The following POLN variants were observed in gnomAD, a reference collection of about 807,000 sequenced individuals.
POLN encodes DNA polymerase N.
Under a neutral mutation model 113.5 loss-of-function variants are expected in POLN, and 108 were observed. The ratio of observed to expected loss-of-function variants is 0.95; its 90% CI spans 0.81 to 1.12. The LOEUF is 1.12. Ranked by LOEUF, POLN falls within the 50% of genes most tolerant of loss-of-function variation. The probability of loss-of-function intolerance (pLI) is 0.00; values close to 1 mark genes in which losing one functional copy is unlikely to be tolerated. For missense variants in POLN, 1,097 were observed against 1,077.1 expected, an observed-to-expected ratio of 1.02 and a Z score of -0.26; for synonymous variants, 386 against 391.5, an observed-to-expected ratio of 0.99 and a Z score of 0.17.
chr4:2,138,564 C>T (rs1003913982), intron 16 of POLN, among the ~76,000 whole-genome samples: 1 of 152,156 alleles, frequency 6.6e-6, no homozygotes, highest in Middle Eastern at 3.2e-3. Flanking sequence ...GAATCGCCAC[C>T]CCCACAGGGT....
intron 7 of POLN, among the ~76,000 whole-genome samples, chr4:2,186,313 A>C (rs1733271458): frequency 6.6e-6 from 1 of 152,230 alleles, no homozygotes; most frequent in African/African-American, 2.4e-5. Context: ...AGAAATGGGC[A>C]GTGGTAGAGA....
intron 3 of POLN, among the ~76,000 whole-genome samples, chr4:2,225,826 C>T (rs2108772025): frequency 6.6e-6 from 1 of 151,934 alleles, no homozygotes; most frequent in Non-Finnish European, 1.5e-5. Context: ...CATAGCAAGA[C>T]CTCGTCTCCA....
intron 8 of POLN, chr4:2,177,319 C>A: frequency 2.1e-6 from 1 of 481,298 alleles, no homozygotes; most frequent in East Asian, 6.1e-5. Context: ...GTCTTGCTGT[C>A]CTCCATAGAG....
intron 3 of POLN, 152 bp downstream of exon 3, chr4:2,228,947 G>T: frequency 1.7e-6 from 1 of 602,120 alleles, no homozygotes; most frequent in Non-Finnish European, 2.7e-6. Flanking sequence ...ACGAAAGTTA[G>T]CAAGCAGAAG....
chr4:2,117,455 T>C (rs1303374932), intron 19 of POLN, among the ~76,000 whole-genome samples: 1 of 152,226 alleles, frequency 6.6e-6, no homozygotes, highest in African/African-American at 2.4e-5. Flanking sequence ...TTTCATCTTA[T>C]CAGGGCAGCA....
chr4:2,121,714 G>A (rs529251539), intron 19 of POLN, among the ~76,000 whole-genome samples: 2 of 151,728 alleles, frequency 1.3e-5, no homozygotes, highest in African/African-American at 2.4e-5. Context: ...TGATATTGAT[G>A]ATTTACATCA....
chr4:2,117,019 C>T (rs1026847190), intron 19 of POLN, among the ~76,000 whole-genome samples: 1 of 152,214 alleles, frequency 6.6e-6, no homozygotes, highest in Non-Finnish European at 1.5e-5. Flanking sequence ...AAGTTATGCT[C>T]AAAGGCTTAC....
At chr4:2,100,188 G>T (rs1174510061) in intron 19 of POLN, among the ~76,000 whole-genome samples, 2 of 152,102 alleles carry the variant, frequency 1.3e-5, no homozygotes, top group Non-Finnish European at 2.9e-5. Flanking sequence ...GATAAATAGT[G>T]GGGGAAAGCC....
intron 13 of POLN, among the ~76,000 whole-genome samples, chr4:2,164,361 C>A (rs906029732): frequency 1.3e-5 from 2 of 151,476 alleles, no homozygotes; most frequent in African/African-American, 4.9e-5. Context: ...ATTAGCCAGG[C>A]GTGGTGGTGC....
chr4:2,194,475 G>A (rs933871050), intron 6 of POLN, among the ~76,000 whole-genome samples: 4 of 152,116 alleles, frequency 2.6e-5, no homozygotes, highest in Non-Finnish European at 5.9e-5. Flanking sequence ...ATGGTAGGGA[G>A]GGTAAAGCGC....
intron 4 of POLN, among the ~76,000 whole-genome samples, chr4:2,210,565 A>G (rs1401973389): frequency 1.4e-5 from 2 of 147,292 alleles, no homozygotes; most frequent in African/African-American, 5.0e-5. Context: ...CCTGTGCGAC[A>G]GAGTGAGAAA....
intron 15 of POLN, among the ~76,000 whole-genome samples, chr4:2,157,565 T>C (rs1024929574): frequency 6.6e-6 from 1 of 151,630 alleles, no homozygotes; most frequent in Non-Finnish European, 1.5e-5. Flanking sequence ...CTACTAAAAA[T>C]AGCAAAAATT....
At chr4:2,152,340 ATTT>A (rs75242681) in intron 16 of POLN, among the ~76,000 whole-genome samples, 3 of 129,484 alleles carry the variant, frequency 2.3e-5, no homozygotes, top group Non-Finnish European at 3.3e-5. Context: ...ACCTGGCCTG[ATTT>A]TTTTTTTTTT....
chr4:2,178,156 T>C (rs1480048041), intron 8 of POLN, among the ~76,000 whole-genome samples: 2 of 152,202 alleles, frequency 1.3e-5, no homozygotes, highest in East Asian at 3.9e-4. Context: ...GCCTGGTGCC[T>C]GACACGGGCT....
chr4:2,155,414 C>T lies in POLN; in HGVS notation c.1731+1374G>A, dbSNP rs149380879. Among the ~76,000 whole-genome samples, 6 of 152,272 alleles carry T rather than the reference C, an allele frequency of 3.9e-5. No homozygotes were observed. In the East Asian group the frequency reaches 7.7e-4, roughly 20 times the overall value. ...TGACCAAGAGTGGGTGTCCATGCAC[C>T]CAAGAGGCCACACGATTAGCGCAAA... is the stretch of plus-strand genomic sequence containing the variant. On this transcript the variant is annotated intron_variant, in intron 16 of 25. Coordinates refer to ENST00000511885, the MANE Select transcript of POLN (RefSeq NM_181808.4).
chr4:2,219,170 C>G (rs1240843878), intron 3 of POLN, among the ~76,000 whole-genome samples: 1 of 152,164 alleles, frequency 6.6e-6, no homozygotes, highest in African/African-American at 2.4e-5. Flanking sequence ...TCGGAGTGAG[C>G]CCTCCCATTA....
In POLN at chr4:2,140,647, C is replaced by A. The variant is rs1482321162; in HGVS notation, c.1732-9357G>T. On this transcript the variant is annotated intron_variant, in intron 16 of 25. Transcript: ENST00000511885. Reference sequence around the variant, plus strand: ...TCTGTAATCCCAGCTACTCAGGAGGCTGAGGCATGAGCATTGCTTGAATCA... The same window carrying A: ...TCTGTAATCCCAGCTACTCAGGAGGATGAGGCATGAGCATTGCTTGAATCA... Among the ~76,000 whole-genome samples, 3 of 151,900 alleles carry A rather than the reference C, an allele frequency of 2.0e-5. No homozygotes were observed. The East Asian group carries it at 5.8e-4, about 29-fold the overall frequency.
At chr4:2,091,798 T>C (rs60181463) in intron 20 of POLN, among the ~76,000 whole-genome samples, 40,198 of 133,234 alleles carry the variant, frequency 0.3, 5,919 homozygotes, top group African/African-American at 0.33. Context: ...TGTGTGTGTG[T>C]GTGCGCGCGC....
intron 3 of POLN, 28 bp downstream of exon 3, chr4:2,229,071 G>C (rs1218134063): frequency 6.4e-7 from 1 of 1,558,854 alleles, no homozygotes; most frequent in Non-Finnish European, 8.8e-7. Context: ...AGTATCAAGA[G>C]AAAGAAAGGT....
Sources: allele counts gnomAD v4.1 joint callset (sites outside exome capture counted in the v4.1 genomes callset), GRCh38; gene constraint gnomAD v4.1.1; transcripts MANE v1.5; gene names NCBI Gene and HGNC (gene_info 2026-07-23, HGNC 2026-07-21).